Variants in MYT1L observed in about 807,000 individuals in gnomAD.
MYT1L encodes the protein myelin transcription factor 1 like.
Under a neutral mutation model 126.7 loss-of-function variants are expected in MYT1L, and 12 were observed. The ratio of observed to expected loss-of-function variants is 0.09; its 90% CI spans 0.06 to 0.15. MYT1L has a LOEUF of 0.15. MYT1L is among the 10% of genes least tolerant of loss of function. MYT1L has a pLI of 1.00. For synonymous variants in MYT1L, 541 were observed against 604.2 expected, an observed-to-expected ratio of 0.90 and a Z score of 1.53; for missense variants, 979 against 1,585.2, an observed-to-expected ratio of 0.62 and a Z score of 6.49.
chr2:1,889,264 C>T lies in MYT1L; in HGVS notation c.2497G>A (p.Glu833Lys), dbSNP rs200175227. ...YTKMKPRRIDEDESKDITPED... is the reference protein window; with the variant it reads ...YTKMKPRRIDKDESKDITPED... ...ACAGTAATGTCTTTGGACTCGTCCT[C>T]GTCTATCCTCCGGGGTTTCATTTTG... The change falls in exon 16 of 25, where the codon GAG becomes AAG. Residue 833 changes from glutamate to lysine, a missense_variant. This residue lies in a region of MYT1L where 141 missense variants were observed against 170.6 expected (regional missense o/e 0.83). Transcript: ENST00000647738. This position sits in a 1 kb window ranked among gnomAD's most constrained non-coding sequence, Gnocchi z 4.1. 8.1e-6 allele frequency: 13 copies of T among 1,613,910 alleles called. No homozygotes were observed. The highest frequency in any genetic ancestry group is 1.7e-4 in the Middle Eastern group (1 of 6,060).
At chr2:1,909,959 G>GA (rs1285975695) in intron 13 of MYT1L, among the ~76,000 whole-genome samples, 1 of 152,194 alleles carries the variant, frequency 6.6e-6, no homozygotes, top group Non-Finnish European at 1.5e-5. Context: ...TCAGACTCAT[G>GA]AAATACCAGG....
chr2:2,042,091 G>C (rs1159296497), intron 4 of MYT1L, among the ~76,000 whole-genome samples: 2 of 152,178 alleles, frequency 1.3e-5, no homozygotes, highest in African/African-American at 4.8e-5. Flanking sequence ...GGCAAGGGAA[G>C]GGCACCCTCT....
Position 1,861,422 on chromosome 2 carries a change from C to T in MYT1L, c.2712-9719G>A, listed in dbSNP as rs529321521. 2.0e-5 allele frequency among the ~76,000 whole-genome samples: 3 copies of T among 151,968 alleles called. No individual in the cohort carries two copies. The East Asian group carries it at 5.8e-4, about 29-fold the overall frequency. On this transcript the variant is annotated intron_variant, in intron 18 of 24. Transcript: ENST00000647738. ...AGGAGGGGATGTACATGTTTTTCCT[C>T]TTCAGCAGAAATGTTGATCCTCATC... is the stretch of plus-strand genomic sequence containing the variant.
intron 3 of MYT1L, among the ~76,000 whole-genome samples, chr2:2,152,492 A>G (rs2085969445): frequency 6.6e-6 from 1 of 152,226 alleles, no homozygotes; most frequent in Non-Finnish European, 1.5e-5. Flanking sequence ...CCCCAAACTC[A>G]GTCTGAGGGA....
intron 1 of MYT1L, among the ~76,000 whole-genome samples, chr2:2,321,271 G>A (rs2668831): frequency 0.021 from 3,241 of 152,264 alleles, 54 homozygotes; most frequent in Non-Finnish European, 0.028. Flanking sequence ...AGGGTCCACC[G>A]GCAGATGCGG....
At chr2:1,963,463 C>CCTGT (rs2059119508) in intron 8 of MYT1L, among the ~76,000 whole-genome samples, 1 of 152,182 alleles carries the variant, frequency 6.6e-6, no homozygotes, top group African/African-American at 2.4e-5. Flanking sequence ...AGAGAGACAG[C>CCTGT]CTGTCCTTTG....
intron 22 of MYT1L, among the ~76,000 whole-genome samples, chr2:1,804,967 C>G (rs2147945036): frequency 6.6e-6 from 1 of 152,254 alleles, no homozygotes; most frequent in East Asian, 1.9e-4. Context: ...CCACTACCCG[C>G]CAAAAAGCCA....
intron 1 of MYT1L, among the ~76,000 whole-genome samples, chr2:2,313,262 TAA>T (rs112642305): frequency 1.4e-4 from 21 of 148,340 alleles, no homozygotes; most frequent in Middle Eastern, 3.4e-3. Context: ...TCTCAGCTGA[TAA>T]AAAAAAAAAA....
At chr2:2,014,930 C>T (rs999725215) in intron 4 of MYT1L, among the ~76,000 whole-genome samples, 2 of 152,258 alleles carry the variant, frequency 1.3e-5, no homozygotes, top group South Asian at 2.1e-4. Flanking sequence ...TTTTGAACTC[C>T]GAATTAAGAT....
intron 3 of MYT1L, among the ~76,000 whole-genome samples, chr2:2,087,529 G>A (rs369055842): frequency 2.6e-5 from 4 of 152,100 alleles, no homozygotes; most frequent in East Asian, 1.9e-4. Context: ...GCAAATTGGC[G>A]GGCTCCATTA....
intron 2 of MYT1L, among the ~76,000 whole-genome samples, chr2:2,190,555 T>TAAAAAAAAAAAA (rs777939174): frequency 9.2e-6 from 1 of 108,446 alleles, no homozygotes. Flanking sequence ...CAAGACCTGT[T>TAAAAAAAAAAAA]AAAAAAAAAA....
chr2:2,318,524 T>A (rs777127136), intron 1 of MYT1L, among the ~76,000 whole-genome samples: 1 of 152,212 alleles, frequency 6.6e-6, no homozygotes, highest in Non-Finnish European at 1.5e-5. Context: ...AAAAGGATTG[T>A]TTTTGAGCTA....
At position 1,966,990 on chromosome 2, in the gene MYT1L, C is replaced by T. The variant is rs144796294; in HGVS notation, c.152+12175G>A. On this transcript the variant is annotated intron_variant, in intron 8 of 24. Coordinates refer to ENST00000647738, the MANE Select transcript of MYT1L (RefSeq NM_001303052.2). ...TGTTGATACTGGGAAGCAACGACCA[C>T]CAGTAACTTTTTTTCTTTTTTAAAA... is the stretch of plus-strand genomic sequence containing the variant. Among the ~76,000 whole-genome samples the T allele has an allele frequency of 2.9e-3, 435 of 152,238 alleles. 3 individuals carry two copies. Among genetic ancestry groups the T allele is most frequent in the South Asian group, 0.015 (74 of 4,822 alleles).
chr2:2,062,726 C>G (rs1451005324), intron 3 of MYT1L, among the ~76,000 whole-genome samples: 1 of 152,190 alleles, frequency 6.6e-6, no homozygotes, highest in Non-Finnish European at 1.5e-5. Context: ...GAGAACTTCC[C>G]TGGAGGTCTG....
intron 3 of MYT1L, among the ~76,000 whole-genome samples, chr2:2,056,613 C>G (rs2069601442): frequency 6.6e-6 from 1 of 152,196 alleles, no homozygotes; most frequent in Admixed American, 6.5e-5. Flanking sequence ...CTCCTTTTCC[C>G]AGTTCTTCAG....
chr2:2,304,066 C>CA (rs2149547025), intron 1 of MYT1L: 1 of 152,016 alleles, frequency 6.6e-6, no homozygotes, highest in East Asian at 1.9e-4. Flanking sequence ...AAACAAGAAA[C>CA]AAAAAAGACA....
intron 2 of MYT1L, among the ~76,000 whole-genome samples, chr2:2,214,266 TATC>T (rs2093614680): frequency 6.8e-6 from 1 of 146,452 alleles, no homozygotes; most frequent in African/African-American, 2.6e-5. Context: ...ATTATCTATC[TATC>T]TATCTATCTA....
chr2:1,835,758 G>A (rs1452247435), intron 21 of MYT1L, among the ~76,000 whole-genome samples: 2 of 152,150 alleles, frequency 1.3e-5, no homozygotes, highest in East Asian at 1.9e-4. Flanking sequence ...GGAGGTCGCC[G>A]AAGCCAGCAG....
At chr2:1,899,595 G>C (rs542463894) in intron 14 of MYT1L, among the ~76,000 whole-genome samples, 1 of 152,302 alleles carries the variant, frequency 6.6e-6, no homozygotes, top group East Asian at 1.9e-4. Flanking sequence ...AGCTTTCCCT[G>C]TTCTTCCTTC....
Sources: gnomAD v4.1 joint callset for allele counts (sites outside exome capture counted in the v4.1 genomes callset) on GRCh38, gnomAD v4.1.1 for gene constraint, gnomAD v4.1.1 regional missense constraint, Gnocchi (gnomAD v3.1) non-coding constraint, MANE v1.5 for transcripts, NCBI Gene and HGNC (gene_info 2026-07-23, HGNC 2026-07-21) for gene names.